Variants in HES7 observed in about 807,000 individuals in gnomAD.
HES7 encodes the protein transcription factor HES-7.
HES7 carries 8 observed loss-of-function variants against 18.0 expected under a neutral mutation model. The ratio of observed to expected loss-of-function variants is 0.45; its 90% confidence interval spans 0.26 to 0.80. The LOEUF (loss-of-function observed/expected upper bound fraction) is 0.80. Among genes scored for constraint, HES7 ranks in the 30% least tolerant of loss-of-function variants. The pLI, the probability that HES7 is intolerant of heterozygous loss-of-function variation, is 0.18. For synonymous variants in HES7, 170 were observed against 158.6 expected, an observed-to-expected ratio of 1.07 and a Z score of -0.54; for missense variants, 356 against 340.9, an observed-to-expected ratio of 1.04 and a Z score of -0.35.
chr17:8,126,379 C>G (rs1047599073), upstream of HES7, among the ~76,000 whole-genome samples: 6 of 152,212 alleles, frequency 3.9e-5, no homozygotes, highest in Non-Finnish European at 1.5e-5. Flanking sequence ...CCGCGTCTCT[C>G]CGCGTCTTGG....
In HES7 at chr17:8,121,501, G is replaced by A. The variant is rs1377935202; in HGVS notation, c.*70C>T. Reference sequence around the variant, plus strand: ...AACACCTGCTCGCCCGGACGCCCGGGTCCCTCTGCTGCCCTCGGGCTGGAG... The same window carrying A: ...AACACCTGCTCGCCCGGACGCCCGGATCCCTCTGCTGCCCTCGGGCTGGAG... On this transcript the variant is annotated 3_prime_UTR_variant, in exon 4 of 4. Coordinates refer to ENST00000541682, the MANE Select transcript of HES7 (RefSeq NM_001165967.2). The A allele has an allele frequency of 3.2e-6, 4 of 1,238,748 alleles. No homozygotes were observed. The East Asian group carries it at 1.3e-4, about 39-fold the overall frequency. 76.7% of individuals were successfully genotyped at this position (1,238,748 alleles called of 1,614,324 possible).
chr17:8,120,855 C>T lies in HES7; in HGVS notation c.*716G>A, dbSNP rs1213805814. On this transcript the variant is annotated 3_prime_UTR_variant, in exon 4 of 4. Coordinates refer to ENST00000541682, the MANE Select transcript of HES7 (RefSeq NM_001165967.2). The stretch of plus-strand genomic sequence containing the variant: ...GCATGTCCCGCCCAAGTCCCTTAGC[C>T]CCGCTCCCCAACCCTGCCCCATTCC... 1 of 152,696 alleles carries T rather than the reference C, an allele frequency of 6.5e-6. No homozygotes were observed. Among genetic ancestry groups the T allele is most frequent in the Admixed American group, 6.5e-5 (1 of 15,282 alleles). The allele number at this position is 152,696 out of a possible 1,614,324, so 9.5% of individuals were successfully genotyped here. A position where few individuals can be genotyped will look rare whatever the true frequency, so the allele number is the denominator to read the frequency against.
Position 8,123,976 on chromosome 17 carries a change from A to T in HES7, c.42+67T>A, listed in dbSNP as rs184488032. 6.4e-7 allele frequency: 1 copy of T among 1,573,100 alleles called. No individual in the cohort carries two copies. Among genetic ancestry groups the T allele is most frequent in the East Asian group, 2.2e-5 (1 of 44,504 alleles). ...GCGTCCCCAGCCTCTCTCCAGACCG[A>T]CGGCGTCAGGGGCCCAGTCCCCTAG... On this transcript the variant is annotated intron_variant, in intron 1 of 3. Coordinates refer to ENST00000541682, the MANE Select transcript of HES7 (RefSeq NM_001165967.2). This position sits in a 1 kb window ranked among gnomAD's most constrained non-coding sequence, Gnocchi z 5.9.
rs775714752 is a variant in HES7 at position 8,122,009 on chromosome 17, G to A, written c.255C>T (p.Ser85=). The change falls in exon 4 of 4, where the codon TCC becomes TCT. Residue 85 remains serine (S), a synonymous_variant. Transcript: ENST00000541682. This position sits in a 1 kb window ranked among gnomAD's most constrained non-coding sequence, Gnocchi z 6.9. The part of the protein sequence containing the change: ...PAAAAPGVPR[S]PVQDAEALAS... The stretch of plus-strand genomic sequence containing the variant: ...CGAGCGCCTCGGCGTCCTGGACTGG[G>A]GACCGGGGAACCCCTGGAGCCGCGG... 3.1e-5 allele frequency: 48 copies of A among 1,525,260 alleles called. No homozygotes were observed. Among genetic ancestry groups the A allele is most frequent in the Admixed American group, 2.8e-4 (14 of 50,062 alleles). 94.5% of individuals were successfully genotyped at this position (1,525,260 alleles called of 1,614,324 possible).
Position 8,121,695 on chromosome 17 carries a change from C to A in HES7, c.569G>T (p.Gly190Val). Residue 190 changes from glycine to valine, a missense_variant, in exon 4 of 4, where the codon GGG becomes GTG. Transcript: ENST00000541682. ...WSPSLCSPRA[G>V]DSGAPAPLTG... ...GAGGGGCGCCGGCGCGCCAGAATCCCCGGCGCGCGGGGAGCAGAGGGATGG... is the reference window on the plus strand; with the variant it reads ...GAGGGGCGCCGGCGCGCCAGAATCCACGGCGCGCGGGGAGCAGAGGGATGG... The A allele has an allele frequency of 7.5e-7, 1 of 1,329,136 alleles. No individual in the cohort carries two copies. The highest frequency in any genetic ancestry group is 9.6e-7 in the Non-Finnish European group (1 of 1,046,210). The allele number at this position is 1,329,136 out of a possible 1,614,324, so 82.3% of individuals were successfully genotyped here. A position where few individuals can be genotyped will look rare whatever the true frequency, so the allele number is the denominator to read the frequency against.
rs1456311978 is a variant in HES7 at position 8,120,987 on chromosome 17, T to G, written c.*584A>C. 1.3e-5 allele frequency: 2 copies of G among 152,742 alleles called. No individual in the cohort carries two copies. 9.5% of individuals were successfully genotyped at this position (152,742 alleles called of 1,614,324 possible). A position where few individuals can be genotyped will look rare whatever the true frequency, so the allele number is the denominator to read the frequency against. ...GTGACGAATAGAGCAATTCAAAGGT[T>G]GTGGGTTCGAATCCCACCAGAGTCG... On this transcript the variant is annotated 3_prime_UTR_variant, in exon 4 of 4. Coordinates refer to ENST00000541682, the MANE Select transcript of HES7 (RefSeq NM_001165967.2).
rs1157025145 is a variant in HES7 at position 8,121,887 on chromosome 17, G to A, written c.377C>T (p.Ala126Val). The stretch of plus-strand genomic sequence containing the variant: ...TTTGGGGCGCAGATAGCCGTGCAGC[G>A]CGGAGAAGAGCTGGGCGCGGGCGGC... ...SPAARAQLFS[A>V]LHGYLRPKPP... Residue 126 changes from alanine (A) to valine (V), a missense_variant, in exon 4 of 4, where the codon GCG becomes GTG. Physicochemically the swap from Ala to Val is moderately conservative, Grantham distance 64 (BLOSUM62 0). Coordinates refer to ENST00000541682, the MANE Select transcript of HES7 (RefSeq NM_001165967.2). The A allele has an allele frequency of 1.9e-6, 3 of 1,571,556 alleles. No individual in the cohort carries two copies. Among genetic ancestry groups the A allele is most frequent in the East Asian group, 4.8e-5 (2 of 41,964 alleles).
chr17:8,121,540 C>G lies in HES7; in HGVS notation c.*31G>C. ...CTCGGGCTGGAGTCTCTACCCCACC[C>G]CTAGACCCCGCCCCCACCACCCCCC... On this transcript the variant is annotated 3_prime_UTR_variant, in exon 4 of 4. Transcript: ENST00000541682. The G allele has an allele frequency of 1.5e-6, 2 of 1,296,794 alleles. No individual in the cohort carries two copies. The highest frequency in any genetic ancestry group is 1.9e-6 in the Non-Finnish European group (2 of 1,028,512). 80.3% of individuals were successfully genotyped at this position (1,296,794 alleles called of 1,614,324 possible). A position where few individuals can be genotyped will look rare whatever the true frequency, so the allele number is the denominator to read the frequency against.
rs1287894948 is a variant in HES7, at chr17:8,122,054, G to T, written c.227-17C>A. On this transcript the variant is annotated splice_polypyrimidine_tract_variant and intron_variant, in intron 3 of 3. Coordinates refer to ENST00000541682, the MANE Select transcript of HES7 (RefSeq NM_001165967.2). This position sits in a 1 kb window ranked among gnomAD's most constrained non-coding sequence, Gnocchi z 6.9. The stretch of plus-strand genomic sequence containing the variant: ...CCGCGGCGGCTGGTGCGGCCGGCGG[G>T]AGCACAGGTGGGCAGGGCAGGGGCC... 1.3e-6 allele frequency: 2 copies of T among 1,494,012 alleles called. No individual in the cohort carries two copies. Among genetic ancestry groups the T allele is most frequent in the East Asian group, 5.2e-5 (2 of 38,266 alleles). The allele number at this position is 1,494,012 out of a possible 1,614,324, so 92.5% of individuals were successfully genotyped here. A position where few individuals can be genotyped will look rare whatever the true frequency, so the allele number is the denominator to read the frequency against.
chr17:8,123,136 G>A lies in HES7; in HGVS notation c.43-10C>T, dbSNP rs756416284. The A allele has an allele frequency of 1.3e-6, 2 of 1,598,824 alleles. No homozygotes were observed. The highest frequency in any genetic ancestry group is 1.7e-5 in the Admixed American group (1 of 58,624). ...CAAGCGGCTTGAGCATCTGCGACCA[G>A]CGAGAAAAGGAGAGCGGGCCGACCA... On this transcript the variant is annotated splice_polypyrimidine_tract_variant and intron_variant, in intron 1 of 3. Transcript: ENST00000541682. The surrounding 1 kb of genome is among the most constrained non-coding windows in gnomAD (Gnocchi z 5.9).
chr17:8,125,794 G>C (rs544275670), upstream of HES7, among the ~76,000 whole-genome samples: 2 of 152,220 alleles, frequency 1.3e-5, no homozygotes, highest in Non-Finnish European at 2.9e-5. Flanking sequence ...CGGGAGGCCC[G>C]GGTTCGATTC....
Position 8,122,160 on chromosome 17 carries a change from A to C in HES7, c.227-123T>G. ...CAGAGACAGGAAGCCAGATGGACGG[A>C]AAGAGGGAGAAAATGAGGGAGACAC... On this transcript the variant is annotated intron_variant, in intron 3 of 3. Coordinates refer to ENST00000541682, the MANE Select transcript of HES7 (RefSeq NM_001165967.2). The surrounding 1 kb of genome is among the most constrained non-coding windows in gnomAD (Gnocchi z 6.9). 1.0e-6 allele frequency: 1 copy of C among 989,816 alleles called. No individual in the cohort carries two copies. Among genetic ancestry groups the C allele is most frequent in the Non-Finnish European group, 1.5e-6 (1 of 686,232 alleles). The allele number at this position is 989,816 out of a possible 1,614,324, so 61.3% of individuals were successfully genotyped here.
At chr17:8,125,784 C>G (rs746312704), upstream of HES7, among the ~76,000 whole-genome samples, 1 of 152,178 alleles carries the variant, frequency 6.6e-6, no homozygotes, top group East Asian at 1.9e-4. Context: ...GCCTGCCACG[C>G]GGGAGGCCCG....
In HES7 at chr17:8,121,461, C is replaced by T. The variant is rs1981313221; in HGVS notation, c.*110G>A. The T allele has an allele frequency of 1.1e-6, 1 of 925,898 alleles. No individual in the cohort carries two copies. The highest frequency in any genetic ancestry group is 1.4e-6 in the Non-Finnish European group (1 of 702,014). 57.4% of individuals were successfully genotyped at this position (925,898 alleles called of 1,614,324 possible). On this transcript the variant is annotated 3_prime_UTR_variant, in exon 4 of 4. Coordinates refer to ENST00000541682, the MANE Select transcript of HES7 (RefSeq NM_001165967.2). ...TCACCCGCGCGCTGAGCCCGCGCGC[C>T]CCACTGCCCTCCCCAACACCTGCTC...
chr17:8,124,295 G>C (rs1981513630), upstream of HES7, among the ~76,000 whole-genome samples: 1 of 152,150 alleles, frequency 6.6e-6, no homozygotes, highest in African/African-American at 2.4e-5. Flanking sequence ...GAAGTGAGGG[G>C]TGAATGGGGG....
In HES7 at chr17:8,123,653, G is replaced by A. The variant is rs915670606; in HGVS notation, c.42+390C>T. On this transcript the variant is annotated intron_variant, in intron 1 of 3. Transcript: ENST00000541682. This position sits in a 1 kb window ranked among gnomAD's most constrained non-coding sequence, Gnocchi z 5.9. ...CAACGCCCCGGGACCTTCTGTACAAGACCGCCTTGGGCCAGCCCCGCCCGG... is the reference window on the plus strand; with the variant it reads ...CAACGCCCCGGGACCTTCTGTACAAAACCGCCTTGGGCCAGCCCCGCCCGG... The A allele has an allele frequency of 7.0e-5, 28 of 397,822 alleles. No homozygotes were observed. The highest frequency in any genetic ancestry group is 5.5e-4 in the African/African-American group (27 of 49,074). The allele number at this position is 397,822 out of a possible 1,614,324, so 24.6% of individuals were successfully genotyped here. A position where few individuals can be genotyped will look rare whatever the true frequency, so the allele number is the denominator to read the frequency against.
In HES7 at chr17:8,123,255, C is replaced by A. The variant is rs1298544315; in HGVS notation, c.43-129G>T. 15 of 719,338 alleles carry A rather than the reference C, an allele frequency of 2.1e-5. No individual in the cohort carries two copies. The highest frequency in any genetic ancestry group is 2.8e-4 in the Middle Eastern group (1 of 3,552). 44.6% of individuals were successfully genotyped at this position (719,338 alleles called of 1,614,324 possible). ...CCACAAGACCCCAGATTGCCTAGGGCCGGCCCCATTCGATCCCTCTCCGCT... is the reference window on the plus strand; with the variant it reads ...CCACAAGACCCCAGATTGCCTAGGGACGGCCCCATTCGATCCCTCTCCGCT... On this transcript the variant is annotated intron_variant, in intron 1 of 3. Coordinates refer to ENST00000541682, the MANE Select transcript of HES7 (RefSeq NM_001165967.2). This position sits in a 1 kb window ranked among gnomAD's most constrained non-coding sequence, Gnocchi z 5.9.
Position 8,122,435 on chromosome 17 carries a change from A to C in HES7, c.139-5T>G. On this transcript the variant is annotated splice_polypyrimidine_tract_variant and splice_region_variant and intron_variant, in intron 2 of 3. Transcript: ENST00000541682. The surrounding 1 kb of genome is among the most constrained non-coding windows in gnomAD (Gnocchi z 6.9). ...CAGCTTCGGGTTCCGGAGGTTCTAC[A>C]GACGGGAGGGGAGGGCGCAGAGACA... The C allele has an allele frequency of 6.4e-7, 1 of 1,570,504 alleles. No homozygotes were observed. Among genetic ancestry groups the C allele is most frequent in the Non-Finnish European group, 8.6e-7 (1 of 1,156,602 alleles).
rs1370278562 is a variant in HES7 at position 8,123,011 on chromosome 17, G to A, written c.138+20C>T. On this transcript the variant is annotated intron_variant, in intron 2 of 3. Transcript: ENST00000541682. This position sits in a 1 kb window ranked among gnomAD's most constrained non-coding sequence, Gnocchi z 5.9. Reference sequence around the variant, plus strand: ...CGGAAACGGGAAGCTTGGGGACCTAGGGCTAGCGGAGGGACTGACCTGGTC... The same window carrying A: ...CGGAAACGGGAAGCTTGGGGACCTAAGGCTAGCGGAGGGACTGACCTGGTC... The A allele has an allele frequency of 9.5e-6, 15 of 1,570,862 alleles. No homozygotes were observed. The highest frequency in any genetic ancestry group is 1.3e-5 in the Non-Finnish European group (15 of 1,153,668).
Sources: gnomAD v4.1 joint callset for allele counts (sites outside exome capture counted in the v4.1 genomes callset) on GRCh38, gnomAD v4.1.1 for gene constraint, Gnocchi (gnomAD v3.1) non-coding constraint, MANE v1.5 for transcripts, NCBI Gene and HGNC (gene_info 2026-07-23, HGNC 2026-07-21) for gene names.